GSTO1: variants seen among roughly 807,000 people sequenced by gnomAD.
The protein encoded by GSTO1 is glutathione S-transferase omega 1.
Under a neutral mutation model 23.8 loss-of-function variants are expected in GSTO1, and 27 were observed. The observed-to-expected ratio is 1.13, with a 90% CI of 0.83 to 1.56. The LOEUF is 1.56. Ranked by LOEUF, GSTO1 falls within the 40% of genes most tolerant of loss-of-function variation. GSTO1 has a pLI of 0.00. For synonymous variants in GSTO1, 105 were observed against 109.3 expected, an observed-to-expected ratio of 0.96 and a Z score of 0.25; for missense variants, 255 against 285.8, an observed-to-expected ratio of 0.89 and a Z score of 0.78.
chr10:104,266,398 CAT>C (rs2011184129), intron 5 of GSTO1, among the ~76,000 whole-genome samples: 1 of 152,198 alleles, frequency 6.6e-6, no homozygotes, highest in African/African-American at 2.4e-5. Context: ...ATTTCTGAGA[CAT>C]GTAGTAAAGT....
chr10:104,266,204 A>C lies in GSTO1; in HGVS notation c.572+14A>C. On this transcript the variant is annotated intron_variant, in intron 5 of 5. Coordinates refer to ENST00000369713, the MANE Select transcript of GSTO1 (RefSeq NM_004832.3). ...GAAGTTAAATGAGTAAGATATTTGA[A>C]TATTTTGTGCATAATTTAGGATGAC... 7.3e-7 allele frequency: 1 copy of C among 1,379,246 alleles called. No homozygotes were observed. The highest frequency in any genetic ancestry group is 1.4e-5 in the African/African-American group (1 of 70,440). 85.4% of individuals were successfully genotyped at this position (1,379,246 alleles called of 1,614,324 possible). A position where few individuals can be genotyped will look rare whatever the true frequency, so the allele number is the denominator to read the frequency against.
At chr10:104,258,912 A>T (rs2011114167) in intron 2 of GSTO1, among the ~76,000 whole-genome samples, 2 of 152,210 alleles carry the variant, frequency 1.3e-5, no homozygotes, top group Non-Finnish European at 1.5e-5. Context: ...TATATGAAAA[A>T]GTTCTTATCA....
chr10:104,264,624 T>C (rs2011164473), intron 4 of GSTO1, among the ~76,000 whole-genome samples: 1 of 152,242 alleles, frequency 6.6e-6, no homozygotes, highest in Non-Finnish European at 1.5e-5. Flanking sequence ...CTATTTCCAG[T>C]ATATTTTAAG....
chr10:104,257,341 G>A (rs1170874599), intron 2 of GSTO1, among the ~76,000 whole-genome samples: 1 of 150,226 alleles, frequency 6.7e-6, no homozygotes. Flanking sequence ...TTTGTGGGTG[G>A]ATTTTTTTTT....
chr10:104,258,958 A>G (rs550915614), intron 2 of GSTO1, among the ~76,000 whole-genome samples: 1 of 152,366 alleles, frequency 6.6e-6, no homozygotes, highest in South Asian at 2.1e-4. Context: ...AAATCACATA[A>G]TAACCTCACA....
chr10:104,255,330 G>C (rs2091597966), intron 2 of GSTO1, 59 bp downstream of exon 2: 2 of 1,092,830 alleles, frequency 1.8e-6, no homozygotes, highest in African/African-American at 3.1e-5. Flanking sequence ...GCAGGCGGCG[G>C]GGTGGGGTGG....
At chr10:104,263,124 T>G in intron 4 of GSTO1, 47 bp downstream of exon 4, 1 of 765,304 alleles carries the variant, frequency 1.3e-6, no homozygotes. Flanking sequence ...TAACTATATC[T>G]ACCCTCCTTT....
chr10:104,265,361 A>T (rs566788760), intron 4 of GSTO1, among the ~76,000 whole-genome samples: 1 of 152,282 alleles, frequency 6.6e-6, no homozygotes, highest in East Asian at 1.9e-4. Context: ...CCTGTTCTTT[A>T]TACAGTGTTC....
chr10:104,257,204 A>G (rs1234403259), intron 2 of GSTO1, among the ~76,000 whole-genome samples: 2 of 152,088 alleles, frequency 1.3e-5, no homozygotes. Context: ...TACAAGATAG[A>G]CCTAAATACA....
intron 5 of GSTO1, among the ~76,000 whole-genome samples, chr10:104,266,618 T>C (rs969237648): frequency 2.0e-5 from 3 of 151,996 alleles, no homozygotes; most frequent in African/African-American, 4.8e-5. Flanking sequence ...ACACCTGTAA[T>C]CTCAGCTACT....
At chr10:104,256,745 C>G (rs1215088486) in intron 2 of GSTO1, among the ~76,000 whole-genome samples, 4 of 152,012 alleles carry the variant, frequency 2.6e-5, no homozygotes, top group Admixed American at 2.6e-4. Context: ...ACAATGCCAG[C>G]TTACCAAAAT....
chr10:104,255,077 G>A, intron 1 of GSTO1, 86 bp from the exon 2 acceptor site: 1 of 1,434,422 alleles, frequency 7.0e-7, no homozygotes. Context: ...GAACGGGTCG[G>A]AGCTGCAGTG....
At chr10:104,257,013 T>C (rs960362291) in intron 2 of GSTO1, among the ~76,000 whole-genome samples, 1 of 152,178 alleles carries the variant, frequency 6.6e-6, no homozygotes, top group Non-Finnish European at 1.5e-5. Flanking sequence ...TGGGGGATTA[T>C]GTATTTAAAT....
At chr10:104,266,256 C>G in intron 5 of GSTO1, 66 bp downstream of exon 5, 2 of 842,632 alleles carry the variant, frequency 2.4e-6, no homozygotes, top group Non-Finnish European at 4.1e-6. Flanking sequence ...ATTGACCTTT[C>G]TTTATAACAG....
upstream of GSTO1, chr10:104,254,589 G>A: frequency 2.4e-6 from 1 of 421,634 alleles, no homozygotes; most frequent in East Asian, 5.6e-5. Flanking sequence ...TGTCACGGGA[G>A]GGAGGTCAGG....
rs1269125241 is a variant in GSTO1, at chr10:104,267,411, G to T, written c.*6G>T. ...CCTGTGACTATGGGCTCTGAAGGGG[G>T]CAGGAGTCAGCAATAAAGCTATGTC... On this transcript the variant is annotated 3_prime_UTR_variant, in exon 6 of 6. Transcript: ENST00000369713. 1.9e-6 allele frequency: 3 copies of T among 1,580,206 alleles called. No individual in the cohort carries two copies. The highest frequency in any genetic ancestry group is 2.6e-6 in the Non-Finnish European group (3 of 1,166,514).
intron 2 of GSTO1, among the ~76,000 whole-genome samples, chr10:104,256,318 T>C (rs973050376): frequency 6.6e-6 from 1 of 152,220 alleles, no homozygotes; most frequent in Non-Finnish European, 1.5e-5. Context: ...AAGAGAAATC[T>C]AATGTAACCA....
At chr10:104,264,682 C>T (rs1229497063) in intron 4 of GSTO1, among the ~76,000 whole-genome samples, 1 of 152,106 alleles carries the variant, frequency 6.6e-6, no homozygotes, top group Non-Finnish European at 1.5e-5. Flanking sequence ...ATAAACCCAC[C>T]GTAAGCTGAA....
rs113750935 is a variant in GSTO1 at position 104,255,176 on chromosome 10, G to C, written c.48G>C (p.Pro16=). Residue 16 remains proline (P), a synonymous_variant, in exon 2 of 6, where the codon CCG becomes CCC. Coordinates refer to ENST00000369713, the MANE Select transcript of GSTO1 (RefSeq NM_004832.3). ...TCTCCCCGGCAGGAAGCGCGCCCCCGGGGCCGGTCCCGGAGGGCTCGATCC... is the reference window on the plus strand; with the variant it reads ...TCTCCCCGGCAGGAAGCGCGCCCCCCGGGCCGGTCCCGGAGGGCTCGATCC... ...ARSLGKGSAP[P]GPVPEGSIRI... 2 of 1,613,078 alleles carry C rather than the reference G, an allele frequency of 1.2e-6. No individual in the cohort carries two copies. Among genetic ancestry groups the C allele is most frequent in the Non-Finnish European group, 1.7e-6 (2 of 1,179,210 alleles).
Sources: gnomAD v4.1 joint callset for allele counts (sites outside exome capture counted in the v4.1 genomes callset) on GRCh38, gnomAD v4.1.1 for gene constraint, MANE v1.5 for transcripts, NCBI Gene and HGNC (gene_info 2026-07-23, HGNC 2026-07-21) for gene names.